DENND2B: variants seen among roughly 807,000 people sequenced by gnomAD.
DENND2B encodes the protein DENN domain-containing protein 2B.
In DENND2B, 32 loss-of-function variants were observed where a neutral mutation model predicts 116.0. The ratio of observed to expected loss-of-function variants is 0.28; its 90% CI spans 0.21 to 0.37. The LOEUF (loss-of-function observed/expected upper bound fraction) is 0.37, where lower values mean the gene tolerates loss of function less well. DENND2B is among the 10% of genes least tolerant of loss of function. The probability of loss-of-function intolerance (pLI) is 1.00; values close to 1 mark genes in which losing one functional copy is unlikely to be tolerated. For synonymous variants in DENND2B, 588 were observed against 583.9 expected, an observed-to-expected ratio of 1.01 and a Z score of -0.10; for missense variants, 1,276 against 1,477.7, an observed-to-expected ratio of 0.86 and a Z score of 2.24.
intron 1 of DENND2B, among the ~76,000 whole-genome samples, chr11:8,794,127 C>T (rs2059614110): frequency 6.6e-6 from 1 of 152,178 alleles, no homozygotes; most frequent in South Asian, 2.1e-4. Flanking sequence ...CCTGGTGTTG[C>T]TTTTGTTATT....
At chr11:8,852,606 TTGATC>T (rs2063048340) in intron 3 of DENND2B, among the ~76,000 whole-genome samples, 1 of 152,238 alleles carries the variant, frequency 6.6e-6, no homozygotes. Flanking sequence ...GCTCCACATC[TTGATC>T]GGAGTGGTAG....
At chr11:8,700,265 G>A (rs539173560) in intron 14 of DENND2B, among the ~76,000 whole-genome samples, 54 of 152,298 alleles carry the variant, frequency 3.5e-4, no homozygotes, top group Admixed American at 2.3e-3. Flanking sequence ...TGGAACTGCT[G>A]TACCCAGCTC....
chr11:8,757,783 G>C (rs2053872904), intron 1 of DENND2B, among the ~76,000 whole-genome samples: 1 of 152,172 alleles, frequency 6.6e-6, no homozygotes, highest in Admixed American at 6.5e-5. Context: ...GGCTAGAAAG[G>C]GGCAGGGATT....
chr11:8,816,736 G>A (rs952360198), intron 4 of DENND2B, among the ~76,000 whole-genome samples: 2 of 152,150 alleles, frequency 1.3e-5, no homozygotes, highest in African/African-American at 4.8e-5. Flanking sequence ...CTAGCAGGCT[G>A]GAGCCCAGTC....
At position 8,707,352 on chromosome 11, in the gene DENND2B, T is replaced by C. The variant is rs1481710943; in HGVS notation, c.2431-127A>G. On this transcript the variant is annotated intron_variant, in intron 12 of 19. Transcript: ENST00000313726. This position sits in a 1 kb window ranked among gnomAD's most constrained non-coding sequence, Gnocchi z 4.8. ...CAGAAGCTGGGAGACGGGAAGGTGG[T>C]CTTGCCATGATCTGCACACTCTACC... 2.3e-6 allele frequency: 3 copies of C among 1,279,482 alleles called. No individual in the cohort carries two copies. The highest frequency in any genetic ancestry group is 5.0e-5 in the East Asian group (2 of 39,908). The allele number at this position is 1,279,482 out of a possible 1,614,324, so 79.3% of individuals were successfully genotyped here.
chr11:8,848,960 G>C (rs904020730), intron 3 of DENND2B, among the ~76,000 whole-genome samples: 3 of 151,668 alleles, frequency 2.0e-5, no homozygotes, highest in African/African-American at 7.3e-5. Context: ...GATTTCTATG[G>C]GTGGCTAAAT....
At chr11:8,719,804 G>A (rs529306489) in intron 4 of DENND2B, among the ~76,000 whole-genome samples, 11 of 152,282 alleles carry the variant, frequency 7.2e-5, no homozygotes, top group African/African-American at 2.4e-4. Context: ...ATCACGGCAG[G>A]GAGAACATTT....
chr11:8,699,942 C>T, intron 14 of DENND2B: 1 of 456,276 alleles, frequency 2.2e-6, no homozygotes, highest in South Asian at 1.5e-5. Flanking sequence ...AACTTGAATA[C>T]CCGGCCAGGC....
intron 4 of DENND2B, among the ~76,000 whole-genome samples, chr11:8,832,903 A>C (rs1425166467): frequency 1.3e-5 from 2 of 152,246 alleles, no homozygotes; most frequent in East Asian, 3.8e-4. Flanking sequence ...CAGCGGCTGC[A>C]CTTGAATGTC....
At chr11:8,787,802 C>T (rs1324681052) in intron 1 of DENND2B, among the ~76,000 whole-genome samples, 1 of 152,210 alleles carries the variant, frequency 6.6e-6, no homozygotes, top group African/African-American at 2.4e-5. Flanking sequence ...TTTCAAGAGA[C>T]ACTATCTTTG....
chr11:8,815,402 C>T (rs149233002), upstream of DENND2B, among the ~76,000 whole-genome samples: 38 of 152,212 alleles, frequency 2.5e-4, no homozygotes, highest in East Asian at 6.4e-3. Context: ...TTCTGGCCTA[C>T]GCTCCCACCC....
intron 1 of DENND2B, among the ~76,000 whole-genome samples, chr11:8,764,367 C>A (rs188520272): frequency 5.3e-5 from 8 of 152,306 alleles, no homozygotes; most frequent in Admixed American, 2.0e-4. Context: ...GAGAAGAAAG[C>A]ACACCTATAT....
chr11:8,719,694 T>A (rs2133857742), intron 4 of DENND2B, among the ~76,000 whole-genome samples: 1 of 152,302 alleles, frequency 6.6e-6, no homozygotes, highest in East Asian at 1.9e-4. Flanking sequence ...TTCCCCAACA[T>A]ATGCCCTGCA....
At chr11:8,853,707 C>T (rs2063090992) in intron 3 of DENND2B, among the ~76,000 whole-genome samples, 1 of 152,018 alleles carries the variant, frequency 6.6e-6, no homozygotes, top group Admixed American at 6.5e-5. Flanking sequence ...TATAATCTTA[C>T]TTTGGTAGAA....
At chr11:8,763,424 A>G (rs1211338988) in intron 1 of DENND2B, among the ~76,000 whole-genome samples, 3 of 152,116 alleles carry the variant, frequency 2.0e-5, no homozygotes, top group Non-Finnish European at 2.9e-5. Context: ...TGCATACTAA[A>G]AGACAAGTAT....
intron 3 of DENND2B, among the ~76,000 whole-genome samples, chr11:8,726,985 A>G (rs916507439): frequency 6.6e-6 from 1 of 152,076 alleles, no homozygotes; most frequent in Non-Finnish European, 1.5e-5. Flanking sequence ...CCTTTGGACA[A>G]CCTTCCTCTC....
intron 4 of DENND2B, among the ~76,000 whole-genome samples, chr11:8,834,740 CTG>C (rs2062353553): frequency 6.6e-6 from 1 of 152,200 alleles, no homozygotes; most frequent in Non-Finnish European, 1.5e-5. Flanking sequence ...GGTGAACAGA[CTG>C]TGTTTTCACT....
In DENND2B at chr11:8,717,501, G is replaced by A. The variant is rs532429284; in HGVS notation, c.1629+240C>T. Among the ~76,000 whole-genome samples, 11 of 152,312 alleles carry A rather than the reference G, an allele frequency of 7.2e-5. No individual in the cohort carries two copies. The South Asian group carries it at 2.3e-3, about 32-fold the overall frequency. On this transcript the variant is annotated intron_variant, in intron 5 of 19. Coordinates refer to ENST00000313726, the MANE Select transcript of DENND2B (RefSeq NM_213618.2). ...TAGGACAGGATGCCCCTCAGAGCAG[G>A]TGCCAATTGTCCACAGAGGTTTCAA...
intron 2 of DENND2B, among the ~76,000 whole-genome samples, chr11:8,745,790 A>C (rs1490679928): frequency 6.6e-6 from 1 of 152,286 alleles, no homozygotes; most frequent in Admixed American, 6.5e-5. Flanking sequence ...TGTGGAGGTG[A>C]CGTGCAGGTG....
Sources: gnomAD v4.1 joint callset for allele counts (sites outside exome capture counted in the v4.1 genomes callset) on GRCh38, gnomAD v4.1.1 for gene constraint, Gnocchi (gnomAD v3.1) non-coding constraint, MANE v1.5 for transcripts, NCBI Gene and HGNC (gene_info 2026-07-23, HGNC 2026-07-21) for gene names.